The following SMYD3 variants were observed in gnomAD, a reference collection of about 807,000 sequenced individuals.
SMYD3 encodes the protein SET and MYND domain containing 3.
A neutral mutation model predicts 57.7 loss-of-function variants in SMYD3; 36 were observed. That is an observed-to-expected ratio of 0.62 (90% CI 0.48 to 0.82). SMYD3 has a LOEUF of 0.82. Among genes scored for constraint, SMYD3 ranks in the 40% least tolerant of loss-of-function variants. SMYD3 has a pLI of 0.00. For missense variants in SMYD3, 515 were observed against 538.8 expected (o/e 0.96, Z 0.44); for synonymous variants, 211 against 195.0 (o/e 1.08, Z -0.68).
intron 5 of SMYD3, among the ~76,000 whole-genome samples, chr1:246,267,182 A>G (rs2064125978): frequency 6.6e-6 from 1 of 152,204 alleles, no homozygotes; most frequent in Admixed American, 6.5e-5. Context: ...AATACAAAGG[A>G]GCTAAGAGAT....
chr1:246,267,065 T>G (rs2064123838), intron 5 of SMYD3, among the ~76,000 whole-genome samples: 1 of 152,198 alleles, frequency 6.6e-6, no homozygotes, highest in Non-Finnish European at 1.5e-5. Flanking sequence ...AGAATATGTA[T>G]CTAGTACTGG....
intron 5 of SMYD3, among the ~76,000 whole-genome samples, chr1:246,197,907 T>C (rs2062850300): frequency 6.6e-6 from 1 of 152,222 alleles, no homozygotes; most frequent in African/African-American, 2.4e-5. Flanking sequence ...GTCTTTCCAA[T>C]ACTAAATCAT....
chr1:246,246,905 A>G (rs1184241812), intron 5 of SMYD3, among the ~76,000 whole-genome samples: 1 of 151,746 alleles, frequency 6.6e-6, no homozygotes, highest in Non-Finnish European at 1.5e-5. Flanking sequence ...TCACATAGGG[A>G]TGAATTCGAT....
intron 10 of SMYD3, among the ~76,000 whole-genome samples, chr1:245,815,891 G>A (rs973323610): frequency 6.6e-6 from 1 of 152,158 alleles, no homozygotes; most frequent in Non-Finnish European, 1.5e-5. Context: ...TGGGTCTTGT[G>A]ATTCCAAAGC....
rs1159043737 is a variant in SMYD3 at position 246,246,016 on chromosome 1, T to G, written c.531+81185A>C. 5.3e-5 allele frequency among the ~76,000 whole-genome samples: 8 copies of G among 152,336 alleles called. No homozygotes were observed. The East Asian group carries it at 1.5e-3, about 29-fold the overall frequency. On this transcript the variant is annotated intron_variant, in intron 5 of 11. Coordinates refer to ENST00000490107, the MANE Select transcript of SMYD3 (RefSeq NM_001167740.2). ...GTGGTGATGAAATCATTTATTTACTTATTTTTCATTTGGTTTTCATGAAAT... is the reference window on the plus strand; with the variant it reads ...GTGGTGATGAAATCATTTATTTACTGATTTTTCATTTGGTTTTCATGAAAT...
intron 1 of SMYD3, among the ~76,000 whole-genome samples, chr1:246,433,188 G>A (rs1426561085): frequency 1.3e-5 from 2 of 152,080 alleles, no homozygotes; most frequent in Non-Finnish European, 2.9e-5. Context: ...CAAGCTGAGG[G>A]TCAAATTAAG....
chr1:246,036,229 T>C (rs935731138), intron 5 of SMYD3, among the ~76,000 whole-genome samples: 1 of 152,198 alleles, frequency 6.6e-6, no homozygotes, highest in Non-Finnish European at 1.5e-5. Context: ...TATCTGATAA[T>C]TATTGAAAGC....
At chr1:246,041,406 A>G (rs1285126097) in intron 5 of SMYD3, among the ~76,000 whole-genome samples, 2 of 152,220 alleles carry the variant, frequency 1.3e-5, no homozygotes, top group African/African-American at 4.8e-5. Context: ...ACTAATCATC[A>G]AAAGACAAAA....
intron 5 of SMYD3, among the ~76,000 whole-genome samples, chr1:246,174,775 A>C (rs1358456939): frequency 6.6e-6 from 1 of 152,222 alleles, no homozygotes; most frequent in Non-Finnish European, 1.5e-5. Flanking sequence ...GATCTATTCC[A>C]GGAGAGTGGA....
chr1:246,405,012 T>C (rs905592674), intron 1 of SMYD3, among the ~76,000 whole-genome samples: 4 of 152,160 alleles, frequency 2.6e-5, no homozygotes, highest in African/African-American at 9.6e-5. Context: ...AGTGCAATAG[T>C]GCAATCACGG....
At chr1:246,236,568 C>A (rs12068866) in intron 5 of SMYD3, among the ~76,000 whole-genome samples, 31,507 of 151,998 alleles carry the variant, frequency 0.21, 3,964 homozygotes, top group East Asian at 0.58. Flanking sequence ...AGGCCTGCCA[C>A]CACGCCTGGT....
At chr1:245,834,728 A>G (rs1056012366) in intron 10 of SMYD3, among the ~76,000 whole-genome samples, 2 of 152,214 alleles carry the variant, frequency 1.3e-5, no homozygotes, top group East Asian at 3.9e-4. Flanking sequence ...TTCAGCCCGT[A>G]CATGGGAGGC....
chr1:246,398,555 T>TA (rs1367865320), intron 1 of SMYD3, among the ~76,000 whole-genome samples: 3 of 152,202 alleles, frequency 2.0e-5, no homozygotes, highest in Non-Finnish European at 2.9e-5. Flanking sequence ...ATGAAATACT[T>TA]AGAGTGGTTC....
intron 1 of SMYD3, among the ~76,000 whole-genome samples, chr1:246,445,180 T>G (rs937044366): frequency 2.6e-5 from 4 of 152,216 alleles, no homozygotes; most frequent in African/African-American, 9.7e-5. Context: ...AACACAACAT[T>G]AGGAGGGAGA....
intron 5 of SMYD3, among the ~76,000 whole-genome samples, chr1:246,159,322 C>T (rs538528083): frequency 3.3e-5 from 5 of 151,912 alleles, no homozygotes; most frequent in Non-Finnish European, 5.9e-5. Flanking sequence ...TGTAGCTCAC[C>T]GGGGGCTGCT....
chr1:246,043,847 G>C (rs962449353), intron 5 of SMYD3, among the ~76,000 whole-genome samples: 1 of 152,176 alleles, frequency 6.6e-6, no homozygotes, highest in African/African-American at 2.4e-5. Context: ...TGGAGTTAGA[G>C]CCCTGCCAGA....
intron 5 of SMYD3, among the ~76,000 whole-genome samples, chr1:245,990,283 C>T (rs2058788934): frequency 6.6e-6 from 1 of 152,254 alleles, no homozygotes; most frequent in South Asian, 2.1e-4. Flanking sequence ...AAGACAGGGT[C>T]TCACTATGTT....
At chr1:246,301,615 T>C (rs1344053115) in intron 5 of SMYD3, among the ~76,000 whole-genome samples, 2 of 152,196 alleles carry the variant, frequency 1.3e-5, no homozygotes, top group Non-Finnish European at 2.9e-5. Context: ...AAATATAATG[T>C]TACGTGCTAT....
At chr1:245,848,854 G>A (rs773844956) in intron 10 of SMYD3, among the ~76,000 whole-genome samples, 8 of 152,198 alleles carry the variant, frequency 5.3e-5, no homozygotes, top group Non-Finnish European at 1.0e-4. Context: ...GTAGGGAGGA[G>A]CAGCAGAGGA....
Sources: allele counts gnomAD v4.1 joint callset (sites outside exome capture counted in the v4.1 genomes callset), GRCh38; gene constraint gnomAD v4.1.1; transcripts MANE v1.5; gene names NCBI Gene and HGNC (gene_info 2026-07-23, HGNC 2026-07-21).